Variants in SCIN observed in about 807,000 individuals in gnomAD.
SCIN encodes the protein adseverin.
Under a neutral mutation model 91.8 loss-of-function variants are expected in SCIN, and 91 were observed. The observed-to-expected ratio is 0.99, with a 90% confidence interval of 0.84 to 1.18. SCIN has a LOEUF of 1.18. Among genes scored for constraint, SCIN ranks in the 50% most tolerant of loss-of-function variants. The pLI, the probability that SCIN is intolerant of heterozygous loss-of-function variation, is 0.00. For synonymous variants in SCIN, 367 were observed against 312.6 expected (o/e 1.17, Z -1.84); for missense variants, 1,087 against 863.9 (o/e 1.26, Z -3.24).
chr7:12,578,500 A>T (rs956147269), intron 2 of SCIN, among the ~76,000 whole-genome samples: 1 of 152,156 alleles, frequency 6.6e-6, no homozygotes, highest in East Asian at 1.9e-4. Context: ...TCTTCACAAG[A>T]TACCTTTGTA....
chr7:12,605,444 AGT>A (rs1783061077), intron 4 of SCIN, among the ~76,000 whole-genome samples: 2 of 152,148 alleles, frequency 1.3e-5, no homozygotes, highest in Admixed American at 1.3e-4. Flanking sequence ...TGGGACCAGA[AGT>A]GTTTCAGATT....
At chr7:12,600,416 T>C (rs567528420) in intron 3 of SCIN, among the ~76,000 whole-genome samples, 3 of 152,274 alleles carry the variant, frequency 2.0e-5, no homozygotes, top group South Asian at 2.1e-4. Flanking sequence ...GCTCGGGTGA[T>C]GGGAGCACCA....
chr7:12,588,743 GT>G (rs1285242332), intron 3 of SCIN, among the ~76,000 whole-genome samples: 1 of 147,970 alleles, frequency 6.8e-6, no homozygotes, highest in African/African-American at 2.5e-5. Flanking sequence ...CCTTGCTGTA[GT>G]GCCTAGATAA....
At chr7:12,608,669 G>T (rs981085813) in intron 4 of SCIN, among the ~76,000 whole-genome samples, 3 of 151,988 alleles carry the variant, frequency 2.0e-5, no homozygotes, top group African/African-American at 7.2e-5. Flanking sequence ...AGTAGAGACG[G>T]GGTTTCACTC....
At chr7:12,605,434 T>C (rs528887572) in intron 4 of SCIN, among the ~76,000 whole-genome samples, 2 of 152,288 alleles carry the variant, frequency 1.3e-5, no homozygotes, top group Non-Finnish European at 2.9e-5. Context: ...CCAAAGTGCA[T>C]GGGACCAGAA....
intron 3 of SCIN, among the ~76,000 whole-genome samples, chr7:12,603,368 T>A (rs1782999595): frequency 6.6e-6 from 1 of 151,966 alleles, no homozygotes; most frequent in Non-Finnish European, 1.5e-5. Context: ...ATATTCTCAA[T>A]CTCCTGACCC....
At chr7:12,641,949 TTC>T (rs1406592109) in intron 11 of SCIN, among the ~76,000 whole-genome samples, 1 of 151,898 alleles carries the variant, frequency 6.6e-6, no homozygotes, top group Non-Finnish European at 1.5e-5. Flanking sequence ...TGTGTATATA[TTC>T]TCTTTCCCTC....
intron 3 of SCIN, among the ~76,000 whole-genome samples, chr7:12,599,225 A>G (rs1280492912): frequency 6.6e-6 from 1 of 152,222 alleles, no homozygotes; most frequent in Non-Finnish European, 1.5e-5. Flanking sequence ...ATTCTGATCT[A>G]CTTTTGATCT....
intron 3 of SCIN, among the ~76,000 whole-genome samples, chr7:12,584,766 T>C (rs1339338209): frequency 6.6e-6 from 1 of 152,218 alleles, no homozygotes; most frequent in African/African-American, 2.4e-5. Flanking sequence ...GATTTTCCCA[T>C]GATTTTTAAA....
In SCIN at chr7:12,644,638, T is replaced by C. The variant is rs1158033491; in HGVS notation, c.1814T>C (p.Leu605Pro). The change falls in exon 13 of 16, where the codon CTG (leucine) becomes CCG (proline). Residue 605 changes from leucine (L) to proline (P), a missense_variant. Coordinates refer to ENST00000297029, the MANE Select transcript of SCIN (RefSeq NM_001112706.3). ...AAAGACTACCAGACCTCACCACTAC[T>C]GGAAACCCAGGCTGAAGACCATCCA... ...GKKDYQTSPL[L>P]ETQAEDHPPR... The C allele has an allele frequency of 2.5e-6, 4 of 1,604,942 alleles. No homozygotes were observed. Among genetic ancestry groups the C allele is most frequent in the Non-Finnish European group, 3.4e-6 (4 of 1,175,596 alleles).
At chr7:12,588,829 GCGGGTGGGAAGGGGGA>G (rs1782650704) in intron 3 of SCIN, 1 of 76,364 alleles carries the variant, frequency 1.3e-5, no homozygotes, top group Non-Finnish European at 2.6e-5. Context: ...GGGTGCGGGG[GCGGGTGGGAAGGGGGA>G]GGGGTTCTGG....
Position 12,630,009 on chromosome 7 carries a change from C to T in SCIN, c.1319+787C>T, listed in dbSNP as rs148062088. On this transcript the variant is annotated intron_variant, in intron 9 of 15. Transcript: ENST00000297029. ...CAAGCAGAGAAATGTGGGCTGTGGG[C>T]GTAAGGTACAAAGGCAGGGCAGACG... 3.9e-5 allele frequency among the ~76,000 whole-genome samples: 6 copies of T among 151,942 alleles called. No individual in the cohort carries two copies. The East Asian group carries it at 5.8e-4, about 15-fold the overall frequency.
chr7:12,615,657 C>T (rs1276012338), intron 4 of SCIN, among the ~76,000 whole-genome samples: 1 of 152,138 alleles, frequency 6.6e-6, no homozygotes, highest in African/African-American at 2.4e-5. Context: ...TTCAGCCCTT[C>T]ATCCAAATTA....
chr7:12,623,408 A>G (rs963601602), intron 5 of SCIN, among the ~76,000 whole-genome samples: 2 of 152,220 alleles, frequency 1.3e-5, no homozygotes, highest in Admixed American at 6.5e-5. Flanking sequence ...TATCAGCTCT[A>G]TAGCACATGA....
intron 2 of SCIN, among the ~76,000 whole-genome samples, 188 bp from the exon 3 acceptor site, chr7:12,580,872 A>C (rs1264313018): frequency 1.3e-5 from 2 of 152,224 alleles, no homozygotes; most frequent in Non-Finnish European, 2.9e-5. Flanking sequence ...GAGACCAAAC[A>C]AACACAATCT....
chr7:12,625,609 G>A (rs998631597), intron 6 of SCIN, among the ~76,000 whole-genome samples, 153 bp from the exon 7 acceptor site: 4 of 151,886 alleles, frequency 2.6e-5, no homozygotes, highest in East Asian at 3.9e-4. Context: ...GATTACAGGC[G>A]TGAGCCACCG....
intron 15 of SCIN, among the ~76,000 whole-genome samples, 162 bp downstream of exon 15, chr7:12,652,063 G>A (rs1249710194): frequency 1.3e-5 from 2 of 152,066 alleles, no homozygotes; most frequent in Admixed American, 6.5e-5. Context: ...TTTTTGAACT[G>A]GAGAATTTCC....
At chr7:12,586,198 G>C (rs1447085515) in intron 3 of SCIN, among the ~76,000 whole-genome samples, 1 of 152,164 alleles carries the variant, frequency 6.6e-6, no homozygotes, top group Non-Finnish European at 1.5e-5. Flanking sequence ...GCAGCCACAT[G>C]TCTACAGTGT....
chr7:12,644,491 T>C (rs1783919098), intron 12 of SCIN, 93 bp from the exon 13 acceptor site: 3 of 1,524,162 alleles, frequency 2.0e-6, no homozygotes, highest in Admixed American at 4.2e-5. Context: ...TTCTCAACAC[T>C]GAAATCAAGG....
Sources: gnomAD v4.1 joint callset for allele counts (sites outside exome capture counted in the v4.1 genomes callset) on GRCh38, gnomAD v4.1.1 for gene constraint, MANE v1.5 for transcripts, NCBI Gene and HGNC (gene_info 2026-07-23, HGNC 2026-07-21) for gene names.